The following FLT3 variants were observed in gnomAD, a reference collection of about 807,000 sequenced individuals.
FLT3 encodes fms related receptor tyrosine kinase 3.
In FLT3, 46 loss-of-function variants were observed where a neutral mutation model predicts 126.6. The ratio of observed to expected loss-of-function variants is 0.36; its 90% CI spans 0.29 to 0.46. The LOEUF (loss-of-function observed/expected upper bound fraction) is 0.46, where lower values mean the gene tolerates loss of function less well. FLT3 is among the 20% of genes least tolerant of loss of function. FLT3 has a pLI of 1.00. For missense variants in FLT3, 1,069 were observed against 1,190.3 expected, an observed-to-expected ratio of 0.90 and a Z score of 1.50; for synonymous variants, 404 against 434.4, an observed-to-expected ratio of 0.93 and a Z score of 0.87.
chr13:28,036,860 G>A (rs1289946588), intron 10 of FLT3, among the ~76,000 whole-genome samples: 1 of 152,182 alleles, frequency 6.6e-6, no homozygotes, highest in East Asian at 1.9e-4. Context: ...CGTGCCTGTA[G>A]TCCCAGCTAC....
At chr13:28,004,681 A>G (rs1348548318) in intron 23 of FLT3, among the ~76,000 whole-genome samples, 1 of 152,222 alleles carries the variant, frequency 6.6e-6, no homozygotes, top group Non-Finnish European at 1.5e-5. Flanking sequence ...GTAGACAAGT[A>G]CTTTTATTAT....
chr13:28,057,147 G>A (rs1286656910), intron 4 of FLT3, among the ~76,000 whole-genome samples, 200 bp downstream of exon 4: 1 of 152,154 alleles, frequency 6.6e-6, no homozygotes, highest in Non-Finnish European at 1.5e-5. Flanking sequence ...AGAGCCCACG[G>A]CACACATCAG....
chr13:28,035,424 AG>A, intron 12 of FLT3, 70 bp downstream of exon 12: 5 of 1,435,012 alleles, frequency 3.5e-6, no homozygotes, highest in Non-Finnish European at 4.8e-6. Flanking sequence ...CCCAAGTAAA[AG>A]TCAGCGATGG....
intron 3 of FLT3, among the ~76,000 whole-genome samples, chr13:28,059,547 T>C (rs932539847): frequency 6.6e-6 from 1 of 152,218 alleles, no homozygotes; most frequent in African/African-American, 2.4e-5. Flanking sequence ...CTAAATAATC[T>C]GTAGATAGCA....
At chr13:28,039,576 TCTCA>T (rs1195328340) in intron 9 of FLT3, among the ~76,000 whole-genome samples, 1 of 141,678 alleles carries the variant, frequency 7.1e-6, no homozygotes, top group African/African-American at 2.8e-5. Context: ...TGAGATGGAG[TCTCA>T]CTCTGTCGCC....
In FLT3 at chr13:28,058,236, C is replaced by T. The variant is rs1197472729; in HGVS notation, c.369-774G>A. 2.3e-5 allele frequency among the ~76,000 whole-genome samples: 3 copies of T among 131,080 alleles called. No homozygotes were observed. In the East Asian group the frequency reaches 7.1e-4, roughly 31 times the overall value. 86.0% of individuals were successfully genotyped at this position (131,080 alleles called of 152,430 possible). On this transcript the variant is annotated intron_variant, in intron 3 of 23. Coordinates refer to ENST00000241453, the MANE Select transcript of FLT3 (RefSeq NM_004119.3). ...AAAAAAAAACAAAAAAAAAAACGGC[C>T]AGGTACAGTGGCTCATGCCTGTAAT...
At chr13:28,070,439 T>C in intron 2 of FLT3, 52 bp downstream of exon 2, 1 of 1,524,412 alleles carries the variant, frequency 6.6e-7, no homozygotes, top group East Asian at 2.3e-5. Flanking sequence ...AACTTACAAA[T>C]TACGTTCTCT....
chr13:28,074,834 T>C (rs1018324655), intron 1 of FLT3, among the ~76,000 whole-genome samples: 1 of 151,972 alleles, frequency 6.6e-6, no homozygotes, highest in African/African-American at 2.4e-5. Flanking sequence ...ATTTTTGTAT[T>C]TTTTGTCCAG....
chr13:28,064,123 C>G (rs1876806440), intron 2 of FLT3, among the ~76,000 whole-genome samples: 1 of 151,990 alleles, frequency 6.6e-6, no homozygotes, highest in Non-Finnish European at 1.5e-5. Flanking sequence ...AAAAACCCAG[C>G]TGACATACTA....
intron 1 of FLT3, among the ~76,000 whole-genome samples, chr13:28,085,924 G>C (rs971040857): frequency 2.6e-5 from 4 of 152,182 alleles, no homozygotes; most frequent in African/African-American, 9.6e-5. Context: ...ACCAGTCTGG[G>C]TAACATGACA....
At chr13:28,010,851 G>T (rs534474160) in intron 23 of FLT3, among the ~76,000 whole-genome samples, 1 of 152,078 alleles carries the variant, frequency 6.6e-6, no homozygotes, top group Admixed American at 6.6e-5. Flanking sequence ...TACTAAAGAT[G>T]CATTAGCCAG....
intron 1 of FLT3, chr13:28,073,317 C>T (rs1049658576): frequency 3.3e-5 from 11 of 329,702 alleles, no homozygotes; most frequent in South Asian, 1.2e-4. Flanking sequence ...CATTGCACTC[C>T]AGCCCCTGGG....
chr13:28,066,090 A>G lies in FLT3; in HGVS notation c.166-4021T>C, dbSNP rs536547094. Among the ~76,000 whole-genome samples the G allele has an allele frequency of 1.4e-3, 213 of 152,308 alleles. 1 individual carries two copies. Among genetic ancestry groups the G allele is most frequent in the African/African-American group, 4.5e-3 (188 of 41,570 alleles). The stretch of plus-strand genomic sequence containing the variant: ...ACCAAATTAATTCAATTGTATCACA[A>G]ATAAATAATAACACCATAGTGAAGG... On this transcript the variant is annotated intron_variant, in intron 2 of 23. Coordinates refer to ENST00000241453, the MANE Select transcript of FLT3 (RefSeq NM_004119.3).
chr13:28,004,245 C>A, intron 23 of FLT3, 71 bp from the exon 24 acceptor site: 2 of 1,461,492 alleles, frequency 1.4e-6, no homozygotes, highest in Non-Finnish European at 1.9e-6. Context: ...GCCCATATTA[C>A]AAATTATTTA....
chr13:28,085,236 C>T (rs867186101), intron 1 of FLT3, among the ~76,000 whole-genome samples: 9 of 149,660 alleles, frequency 6.0e-5, no homozygotes, highest in East Asian at 2.0e-4. Context: ...TCCAGCTACT[C>T]GGGAGGCTGA....
At position 28,047,802 on chromosome 13, in the gene FLT3, A is replaced by G. The variant is rs75953444; in HGVS notation, c.1205+473T>C. On this transcript the variant is annotated intron_variant, in intron 9 of 23. Coordinates refer to ENST00000241453, the MANE Select transcript of FLT3 (RefSeq NM_004119.3). ...TGCATAGTTTCTCATACAAATCCCG[A>G]GGAAAACAACATTTTCCTTCAGCAC... is the stretch of plus-strand genomic sequence containing the variant. Among the ~76,000 whole-genome samples, 736 of 152,236 alleles carry G rather than the reference A, an allele frequency of 4.8e-3. 4 individuals carry two copies. Among genetic ancestry groups the G allele is most frequent in the African/African-American group, 0.016 (685 of 41,534 alleles).
At chr13:28,092,952 C>T (rs1371031119) in intron 1 of FLT3, among the ~76,000 whole-genome samples, 2 of 135,676 alleles carry the variant, frequency 1.5e-5, no homozygotes, top group Admixed American at 7.6e-5. Flanking sequence ...GACAGGGTCT[C>T]GCTCTGTCAC....
At chr13:28,071,199 G>A (rs540618579) in intron 1 of FLT3, among the ~76,000 whole-genome samples, 23 of 150,488 alleles carry the variant, frequency 1.5e-4, no homozygotes, top group Middle Eastern at 3.4e-3. Context: ...TAGTAGAGAC[G>A]GGGTATCGCC....
chr13:28,046,556 T>C (rs929051573), intron 9 of FLT3, among the ~76,000 whole-genome samples: 1 of 152,204 alleles, frequency 6.6e-6, no homozygotes, highest in Non-Finnish European at 1.5e-5. Flanking sequence ...CAAAATACTA[T>C]CATTTTAATA....
Sources: allele counts gnomAD v4.1 joint callset (sites outside exome capture counted in the v4.1 genomes callset), GRCh38; gene constraint gnomAD v4.1.1; transcripts MANE v1.5; gene names NCBI Gene and HGNC (gene_info 2026-07-23, HGNC 2026-07-21).